Variants in PRKCQ observed in about 807,000 individuals in gnomAD.
The protein encoded by PRKCQ is protein kinase C theta, also known as protein kinase C theta type.
Under a neutral mutation model 91.2 loss-of-function variants are expected in PRKCQ, and 41 were observed. That is an observed-to-expected ratio of 0.45 (90% CI 0.35 to 0.58). The LOEUF is 0.58. Among genes scored for constraint, PRKCQ ranks in the 20% least tolerant of loss-of-function variants. The probability of loss-of-function intolerance (pLI) is 0.00; values close to 1 mark genes in which losing one functional copy is unlikely to be tolerated. For synonymous variants in PRKCQ, 307 were observed against 316.9 expected, an observed-to-expected ratio of 0.97 and a Z score of 0.33; for missense variants, 673 against 896.5, an observed-to-expected ratio of 0.75 and a Z score of 3.18.
intron 1 of PRKCQ, among the ~76,000 whole-genome samples, chr10:6,562,148 A>C (rs970366702): frequency 2.0e-5 from 3 of 152,086 alleles, no homozygotes; most frequent in Non-Finnish European, 4.4e-5. Flanking sequence ...GTGGGTAAGG[A>C]AGAACGAAGG....
chr10:6,398,996 A>G, the PRKCQ span, among the ~76,000 whole-genome samples: 5 of 152,196 alleles, frequency 3.3e-5, no homozygotes, highest in Non-Finnish European at 5.9e-5. Flanking sequence ...TCTGAACTCA[A>G]GCAATCTGCC....
At chr10:6,411,804 C>A in the PRKCQ span, among the ~76,000 whole-genome samples, 1 of 152,176 alleles carries the variant, frequency 6.6e-6, no homozygotes. Flanking sequence ...AGGGCCACAT[C>A]TTATCAAAGC....
At chr10:6,400,683 C>A in the PRKCQ span, among the ~76,000 whole-genome samples, 2 of 143,674 alleles carry the variant, frequency 1.4e-5, no homozygotes, top group African/African-American at 2.6e-5. Context: ...GGTTTGGCTA[C>A]ATGTAAGTGT....
In PRKCQ at chr10:6,498,493, T is replaced by A; in HGVS notation, c.445A>T (p.Ile149Phe). 6.2e-7 allele frequency: 1 copy of A among 1,614,168 alleles called. No homozygotes were observed. The highest frequency in any genetic ancestry group is 8.5e-7 in the Non-Finnish European group (1 of 1,180,012). The change falls in exon 5 of 18, where the codon ATC becomes TTC. Residue 149 changes from isoleucine (I) to phenylalanine (F), a missense_variant. Ile to Phe is a conservative substitution (Grantham distance 21, BLOSUM62 0). Transcript: ENST00000263125. ...FFALHQRRGA[I>F]KQAKVHHVKC... ...ACGTGGTGGACCTTTGCCTGCTTGA[T>A]GGCACCCCGGCGCTGATGCAAAGCA...
chr10:6,494,722 G>A (rs1837500272), intron 7 of PRKCQ, among the ~76,000 whole-genome samples: 1 of 152,054 alleles, frequency 6.6e-6, no homozygotes, highest in Non-Finnish European at 1.5e-5. Flanking sequence ...AGATTCCTTT[G>A]TAGTCAGTCC....
chr10:6,545,661 G>A (rs183799876), intron 1 of PRKCQ, among the ~76,000 whole-genome samples: 1 of 152,264 alleles, frequency 6.6e-6, no homozygotes, highest in East Asian at 1.9e-4. Context: ...CTGGAGATGC[G>A]TGGTGGCGAT....
At chr10:6,580,462 C>A (rs899222679), upstream of PRKCQ, 5 of 152,286 alleles carry the variant, frequency 3.3e-5, no homozygotes, top group East Asian at 1.9e-4. Context: ...CCGTGCGCCC[C>A]CGGTCCCGCG....
chr10:6,559,083 T>G (rs1840527708), intron 1 of PRKCQ, among the ~76,000 whole-genome samples: 1 of 152,192 alleles, frequency 6.6e-6, no homozygotes, highest in Non-Finnish European at 1.5e-5. Flanking sequence ...CTGCTAACAT[T>G]TCAGCAATAG....
chr10:6,467,131 A>G (rs1423199104), intron 12 of PRKCQ, among the ~76,000 whole-genome samples: 2 of 152,162 alleles, frequency 1.3e-5, no homozygotes, highest in African/African-American at 4.8e-5. Flanking sequence ...GCCAGGAAAG[A>G]CAAAACCAAA....
chr10:6,560,103 A>G (rs1840572660), intron 1 of PRKCQ, among the ~76,000 whole-genome samples: 1 of 152,190 alleles, frequency 6.6e-6, no homozygotes, highest in African/African-American at 2.4e-5. Flanking sequence ...TGATCAGTCA[A>G]CATTTAGTGA....
At chr10:6,512,455 T>C (rs1432178965) in intron 2 of PRKCQ, among the ~76,000 whole-genome samples, 2 of 152,242 alleles carry the variant, frequency 1.3e-5, no homozygotes, top group Admixed American at 6.5e-5. Context: ...CGCTCTGTGA[T>C]TGGCAAAGAG....
chr10:6,519,386 A>G (rs1160418085), intron 1 of PRKCQ, among the ~76,000 whole-genome samples: 1 of 152,216 alleles, frequency 6.6e-6, no homozygotes, highest in Non-Finnish European at 1.5e-5. Flanking sequence ...TTCTAAGGTT[A>G]AAGAAACAAA....
the PRKCQ span, among the ~76,000 whole-genome samples, chr10:6,399,906 C>A: frequency 3.3e-3 from 504 of 152,158 alleles, 5 homozygotes; most frequent in African/African-American, 0.011. Context: ...CCCAGGGTGG[C>A]AAATGTCTGG....
At chr10:6,537,729 T>A (rs918426103) in intron 1 of PRKCQ, among the ~76,000 whole-genome samples, 5 of 152,180 alleles carry the variant, frequency 3.3e-5, no homozygotes, top group African/African-American at 9.7e-5. Flanking sequence ...GACTGACCGA[T>A]CTTATTCATC....
intron 1 of PRKCQ, among the ~76,000 whole-genome samples, chr10:6,544,626 C>G (rs1839887435): frequency 1.4e-5 from 2 of 141,532 alleles, no homozygotes; most frequent in Non-Finnish European, 3.1e-5. Flanking sequence ...ACCCCACACT[C>G]TTTTTTTTTT....
rs1254015219 is a variant in PRKCQ, at chr10:6,430,572, TC to T, written c.1965+237del. ...AAGGCGTGGACACACAGCAATCCAT[TC>T]TTCATGCAGGCGCATCTTGACGACA... On this transcript the variant is annotated intron_variant, in intron 17 of 17. Transcript: ENST00000263125. The surrounding 1 kb of genome is among the most constrained non-coding windows in gnomAD (Gnocchi z 4.7). Among the ~76,000 whole-genome samples the T allele has an allele frequency of 1.3e-5, 2 of 152,156 alleles. No homozygotes were observed.
At chr10:6,528,997 A>G (rs1839293563) in intron 1 of PRKCQ, among the ~76,000 whole-genome samples, 1 of 152,146 alleles carries the variant, frequency 6.6e-6, no homozygotes, top group African/African-American at 2.4e-5. Flanking sequence ...GGTGATATAA[A>G]CAGAGATGGA....
intron 1 of PRKCQ, among the ~76,000 whole-genome samples, chr10:6,575,470 T>G (rs1050486084): frequency 2.0e-5 from 3 of 152,278 alleles, no homozygotes; most frequent in Non-Finnish European, 4.4e-5. Flanking sequence ...AGGTTCCTCA[T>G]GGAGGTGGAG....
At chr10:6,524,897 G>T (rs1365558956) in intron 1 of PRKCQ, among the ~76,000 whole-genome samples, 2 of 152,198 alleles carry the variant, frequency 1.3e-5, no homozygotes, top group East Asian at 3.8e-4. Flanking sequence ...TCTCACTGAT[G>T]TAGGACACAG....
Sources: allele counts gnomAD v4.1 joint callset (sites outside exome capture counted in the v4.1 genomes callset), GRCh38; gene constraint gnomAD v4.1.1; non-coding constraint Gnocchi (gnomAD v3.1); transcripts MANE v1.5; gene names NCBI Gene and HGNC (gene_info 2026-07-23, HGNC 2026-07-21).